Variants in KLF8 observed in about 807,000 individuals in gnomAD.
The protein encoded by KLF8 is KLF transcription factor 8.
In KLF8, 10 loss-of-function variants were observed where a neutral mutation model predicts 18.2. That is an observed-to-expected ratio of 0.55 (90% confidence interval 0.34 to 0.93). KLF8 has a LOEUF of 0.93. Among genes scored for constraint, KLF8 ranks in the 40% least tolerant of loss-of-function variants. The pLI is 0.02. For missense variants in KLF8, 264 were observed against 277.9 expected (o/e 0.95, Z 0.36); for synonymous variants, 109 against 97.3 (o/e 1.12, Z -0.71).
chrX:55,970,444 A>C, the KLF8 span, among the ~76,000 whole-genome samples: 2 of 111,697 alleles, frequency 1.8e-5, no homozygotes, highest in Non-Finnish European at 3.8e-5. Context: ...AATAAAAGTC[A>C]AATACAACAG....
chrX:56,140,558 G>C, the KLF8 span, among the ~76,000 whole-genome samples: 28 of 110,588 alleles, frequency 2.5e-4, 2 homozygotes, highest in East Asian at 8.0e-3. Flanking sequence ...AAACATTGGA[G>C]TACACATGTA....
At chrX:56,065,598 ATGT>A in the KLF8 span, among the ~76,000 whole-genome samples, 1 of 109,137 alleles carries the variant, frequency 9.2e-6, no homozygotes, top group East Asian at 2.9e-4. Context: ...TCCTTTGGAG[ATGT>A]TGTCTTTTCT....
the KLF8 span, among the ~76,000 whole-genome samples, chrX:56,223,385 A>C: frequency 6.2e-5 from 7 of 112,434 alleles, no homozygotes; most frequent in Middle Eastern, 4.2e-3. Flanking sequence ...TCCAATTATC[A>C]TTAATAGGAA....
the KLF8 span, among the ~76,000 whole-genome samples, chrX:56,079,120 G>A: frequency 9.0e-6 from 1 of 110,725 alleles, no homozygotes; most frequent in Non-Finnish European, 1.9e-5. Flanking sequence ...TTTTTTGAAG[G>A]GTTTTTTGTG....
chrX:55,971,505 A>C, the KLF8 span, among the ~76,000 whole-genome samples: 5 of 111,365 alleles, frequency 4.5e-5, no homozygotes, highest in East Asian at 1.4e-3. Context: ...AGAGTGGCAA[A>C]GATTTTTTGA....
the KLF8 span, among the ~76,000 whole-genome samples, chrX:56,126,741 T>C: frequency 1.1e-5 from 1 of 93,617 alleles, no homozygotes; most frequent in African/African-American, 3.6e-5. Context: ...TTTCTTTTTC[T>C]TTCTTTCTTT....
chrX:56,044,412 T>C, the KLF8 span, among the ~76,000 whole-genome samples: 2 of 112,195 alleles, frequency 1.8e-5, no homozygotes, highest in Non-Finnish European at 3.8e-5. Context: ...AGTTGCTGAG[T>C]CAACTGAACT....
chrX:55,932,360 C>T, the KLF8 span, among the ~76,000 whole-genome samples: 12 of 111,017 alleles, frequency 1.1e-4, no homozygotes, highest in African/African-American at 3.3e-4. Flanking sequence ...GACATTTAGT[C>T]CATTTACATT....
the KLF8 span, chrX:55,908,826 C>G: frequency 4.6e-6 from 1 of 219,493 alleles, no homozygotes; most frequent in Non-Finnish European, 8.3e-6. Flanking sequence ...TTTGCCTTAC[C>G]AACTGCCACC....
chrX:56,009,830 C>T, the KLF8 span, among the ~76,000 whole-genome samples: 2 of 112,091 alleles, frequency 1.8e-5, no homozygotes, highest in African/African-American at 6.5e-5. Context: ...ATATCAATAA[C>T]CAACTAGTCC....
chrX:55,914,002 A>G, the KLF8 span, among the ~76,000 whole-genome samples: 1 of 111,849 alleles, frequency 8.9e-6, no homozygotes, highest in Admixed American at 9.5e-5. Context: ...TAATGCTAAA[A>G]TGGCCTATAT....
At chrX:55,972,994 C>T in the KLF8 span, among the ~76,000 whole-genome samples, 1 of 112,228 alleles carries the variant, frequency 8.9e-6, no homozygotes, top group African/African-American at 3.2e-5. Flanking sequence ...ATTAAAACAC[C>T]ATGGTACTGA....
At chrX:55,911,562 TC>T in the KLF8 span, among the ~76,000 whole-genome samples, 1 of 111,535 alleles carries the variant, frequency 9.0e-6, no homozygotes, top group African/African-American at 3.3e-5. Context: ...GCACTGTGCT[TC>T]CCCCAAGTCC....
At chrX:55,986,846 C>G in the KLF8 span, among the ~76,000 whole-genome samples, 1 of 111,625 alleles carries the variant, frequency 9.0e-6, no homozygotes. Flanking sequence ...CTCATCTTCT[C>G]CCAGCCATCA....
chrX:56,175,783 T>A, the KLF8 span, among the ~76,000 whole-genome samples: 2 of 111,832 alleles, frequency 1.8e-5, no homozygotes, highest in Non-Finnish European at 3.8e-5. Context: ...TGGGTGCTCC[T>A]GTATTGGGTG....
In KLF8 at chrX:56,233,353, T is replaced by A; in HGVS notation, c.7+12T>A. ...TAGTGACATGGTCGGTAAGTGACTC[T>A]GGGACTAATACCCACCCACTCCCAC... On this transcript the variant is annotated intron_variant, in intron 1 of 5. Transcript: ENST00000468660. The A allele has an allele frequency of 9.6e-6, 11 of 1,147,079 alleles. No individual in the cohort carries two copies. Among genetic ancestry groups the A allele is most frequent in the Non-Finnish European group, 1.3e-5 (11 of 836,449 alleles). The allele number at this position is 1,147,079 out of a possible 1,213,427, so 94.5% of individuals were successfully genotyped here.
At chrX:56,200,592 A>T in the KLF8 span, among the ~76,000 whole-genome samples, 3 of 110,343 alleles carry the variant, frequency 2.7e-5, no homozygotes, top group Non-Finnish European at 5.7e-5. Flanking sequence ...CCAAAAACAC[A>T]AGCAAAAAAA....
chrX:56,135,607 G>A, the KLF8 span, among the ~76,000 whole-genome samples: 1 of 110,065 alleles, frequency 9.1e-6, no homozygotes, highest in Admixed American at 9.7e-5. Context: ...GCTAAATGAC[G>A]AGTTAATGGG....
chrX:56,216,514 A>ATTTG, the KLF8 span, among the ~76,000 whole-genome samples: 1 of 23,924 alleles, frequency 4.2e-5, no homozygotes, highest in Non-Finnish European at 1.3e-4. Flanking sequence ...CTGGCTGCTG[A>ATTTG]TTTATTTATT....
Sources: allele counts gnomAD v4.1 joint callset (sites outside exome capture counted in the v4.1 genomes callset), GRCh38; gene constraint gnomAD v4.1.1; transcripts MANE v1.5; gene names NCBI Gene and HGNC (gene_info 2026-07-23, HGNC 2026-07-21).